Variants in SEMA3E observed in about 807,000 individuals in gnomAD.
SEMA3E encodes the protein semaphorin-3E.
SEMA3E carries 49 observed loss-of-function variants against 93.6 expected under a neutral mutation model. The ratio of observed to expected loss-of-function variants is 0.52; its 90% CI spans 0.42 to 0.66. SEMA3E has a LOEUF of 0.66. Among genes scored for constraint, SEMA3E ranks in the 30% least tolerant of loss-of-function variants. SEMA3E has a pLI of 0.00. For missense variants in SEMA3E, 906 were observed against 964.8 expected, an observed-to-expected ratio of 0.94 and a Z score of 0.81; for synonymous variants, 363 against 330.7, an observed-to-expected ratio of 1.10 and a Z score of -1.06.
intron 1 of SEMA3E, among the ~76,000 whole-genome samples, chr7:83,610,411 A>C (rs1298855551): frequency 6.6e-6 from 1 of 152,092 alleles, no homozygotes; most frequent in Non-Finnish European, 1.5e-5. Context: ...AATTTAATTC[A>C]TATAGTTATT....
Position 83,484,814 on chromosome 7 carries a change from T to C in SEMA3E, c.276+5300A>G, listed in dbSNP as rs568111348. Among the ~76,000 whole-genome samples the C allele has an allele frequency of 3.7e-4, 57 of 152,244 alleles. 1 individual carries two copies. The South Asian group carries it at 0.011, about 29-fold the overall frequency. The stretch of plus-strand genomic sequence containing the variant: ...AATTCTAGGGTTATTAAAATTATGA[T>C]CAAATAAAGCTAAGAATAATTAAAA... On this transcript the variant is annotated intron_variant, in intron 2 of 16. Transcript: ENST00000643230.
chr7:83,381,593 ATTG>A, intron 16 of SEMA3E, among the ~76,000 whole-genome samples: 1 of 151,868 alleles, frequency 6.6e-6, no homozygotes, highest in African/African-American at 2.4e-5. Flanking sequence ...CTTAGTCATT[ATTG>A]TTATTATTTT....
intron 4 of SEMA3E, among the ~76,000 whole-genome samples, chr7:83,419,276 A>G (rs949053352): frequency 6.6e-6 from 1 of 152,094 alleles, no homozygotes; most frequent in Non-Finnish European, 1.5e-5. Flanking sequence ...TAAATACCAC[A>G]TTTTCTTTAT....
At chr7:83,502,941 G>A (rs2115609428) in intron 1 of SEMA3E, among the ~76,000 whole-genome samples, 1 of 151,954 alleles carries the variant, frequency 6.6e-6, no homozygotes, top group East Asian at 1.9e-4. Flanking sequence ...CTAACTGGTA[G>A]GACTGCCGTA....
chr7:83,490,895 T>G (rs1472362084), intron 1 of SEMA3E, among the ~76,000 whole-genome samples: 1 of 152,126 alleles, frequency 6.6e-6, no homozygotes, highest in Non-Finnish European at 1.5e-5. Flanking sequence ...ATGTAAGAAG[T>G]CAGAATCTGG....
chr7:83,611,463 T>C (rs1158351380), intron 1 of SEMA3E, among the ~76,000 whole-genome samples: 1 of 148,906 alleles, frequency 6.7e-6, no homozygotes, highest in Non-Finnish European at 1.5e-5. Flanking sequence ...CTTCAACCAT[T>C]ATCCCCCTTG....
chr7:83,641,614 T>G (rs2115712412), intron 1 of SEMA3E, among the ~76,000 whole-genome samples: 1 of 152,308 alleles, frequency 6.6e-6, no homozygotes, highest in Non-Finnish European at 1.5e-5. Context: ...TACAATAACT[T>G]ACAAACATGA....
At chr7:83,416,074 A>C (rs1788532909) in intron 5 of SEMA3E, among the ~76,000 whole-genome samples, 1 of 152,130 alleles carries the variant, frequency 6.6e-6, no homozygotes, top group African/African-American at 2.4e-5. Context: ...CCTCTCTTTT[A>C]AAGAGTTTCT....
intron 1 of SEMA3E, among the ~76,000 whole-genome samples, chr7:83,635,961 A>T (rs1793875896): frequency 6.7e-6 from 1 of 150,194 alleles, no homozygotes; most frequent in Non-Finnish European, 1.5e-5. Flanking sequence ...ACTCTTTCCC[A>T]GTTCTGACTT....
chr7:83,611,226 G>A (rs73380795), intron 1 of SEMA3E, among the ~76,000 whole-genome samples: 1,888 of 144,276 alleles, frequency 0.013, 38 homozygotes, highest in African/African-American at 0.045. Flanking sequence ...AAATTTTTCC[G>A]TACCCCAGAT....
chr7:83,489,125 G>A (rs1345601998), intron 2 of SEMA3E, among the ~76,000 whole-genome samples: 2 of 152,066 alleles, frequency 1.3e-5, no homozygotes, highest in Non-Finnish European at 2.9e-5. Flanking sequence ...ATTTTGGGAA[G>A]ATGGAGGGCA....
At chr7:83,638,145 C>T (rs1397966171) in intron 1 of SEMA3E, among the ~76,000 whole-genome samples, 1 of 152,166 alleles carries the variant, frequency 6.6e-6, no homozygotes, top group East Asian at 1.9e-4. Flanking sequence ...GCATCCTGTG[C>T]ACTCTGAAAT....
At chr7:83,373,268 G>A (rs1794774845) in intron 16 of SEMA3E, among the ~76,000 whole-genome samples, 1 of 152,134 alleles carries the variant, frequency 6.6e-6, no homozygotes, top group Non-Finnish European at 1.5e-5. Flanking sequence ...GACAGACATA[G>A]GCCTTGAATT....
At chr7:83,458,671 A>C (rs1789543647) in intron 4 of SEMA3E, among the ~76,000 whole-genome samples, 1 of 151,878 alleles carries the variant, frequency 6.6e-6, no homozygotes, top group South Asian at 2.1e-4. Flanking sequence ...TGTATGGTAC[A>C]TCCAACGGGG....
intron 1 of SEMA3E, among the ~76,000 whole-genome samples, chr7:83,568,036 C>A (rs1027721693): frequency 1.8e-4 from 28 of 151,544 alleles, no homozygotes; most frequent in African/African-American, 2.2e-4. Flanking sequence ...AAATAGACAA[C>A]AATAAAGTTA....
rs983524840 is a variant in SEMA3E, at chr7:83,366,266, C to T, written c.*1320G>A. 9 of 151,866 alleles carry T rather than the reference C, an allele frequency of 5.9e-5. No individual in the cohort carries two copies. The highest frequency in any genetic ancestry group is 4.6e-4 in the Admixed American group (7 of 15,244). 9.4% of individuals were successfully genotyped at this position (151,866 alleles called of 1,614,324 possible). A position where few individuals can be genotyped will look rare whatever the true frequency, so the allele number is the denominator to read the frequency against. ...TTTTTATTTAGGTGAAAACATCTTA[C>T]AAAATTTCATATTTTAGAAAGGTAA... On this transcript the variant is annotated 3_prime_UTR_variant, in exon 17 of 17. Transcript: ENST00000643230.
intron 4 of SEMA3E, among the ~76,000 whole-genome samples, chr7:83,424,566 A>G (rs980839111): frequency 2.6e-5 from 4 of 152,192 alleles, no homozygotes; most frequent in African/African-American, 9.6e-5. Flanking sequence ...AAGCTTCCAA[A>G]ATCTCTTTAC....
intron 2 of SEMA3E, among the ~76,000 whole-genome samples, chr7:83,475,613 A>G (rs1472538836): frequency 6.6e-6 from 1 of 151,128 alleles, no homozygotes; most frequent in Non-Finnish European, 1.5e-5. Context: ...CGGAGGGGCA[A>G]GGACACTGAT....
intron 12 of SEMA3E, among the ~76,000 whole-genome samples, chr7:83,395,398 A>G (rs1467782057): frequency 6.6e-6 from 1 of 152,168 alleles, no homozygotes; most frequent in African/African-American, 2.4e-5. Context: ...ATAAACATAT[A>G]GAGCCAATCT....
Sources: gnomAD v4.1 joint callset for allele counts (sites outside exome capture counted in the v4.1 genomes callset) on GRCh38, gnomAD v4.1.1 for gene constraint, MANE v1.5 for transcripts, NCBI Gene and HGNC (gene_info 2026-07-23, HGNC 2026-07-21) for gene names.